NRG1: variants seen among roughly 807,000 people sequenced by gnomAD.
NRG1 encodes the protein neuregulin 1.
A neutral mutation model predicts 63.8 loss-of-function variants in NRG1; 18 were observed. The ratio of observed to expected loss-of-function variants is 0.28; its 90% CI spans 0.19 to 0.42. The LOEUF is 0.42. Ranked by LOEUF, NRG1 falls within the 10% of genes least tolerant of loss-of-function variation. The pLI is 1.00. For synonymous variants in NRG1, 302 were observed against 301.3 expected, an observed-to-expected ratio of 1.00 and a Z score of -0.02; for missense variants, 762 against 814.7, an observed-to-expected ratio of 0.94 and a Z score of 0.79.
At chr8:31,851,332 T>C (rs2129609055) in intron 1 of NRG1, among the ~76,000 whole-genome samples, 1 of 152,322 alleles carries the variant, frequency 6.6e-6, no homozygotes, top group South Asian at 2.1e-4. Flanking sequence ...TCTGTGGTTA[T>C]TGTATCTGTA....
At chr8:32,400,107 A>C (rs1021641204) in intron 1 of NRG1, among the ~76,000 whole-genome samples, 17 of 152,210 alleles carry the variant, frequency 1.1e-4, no homozygotes, top group Admixed American at 5.9e-4. Flanking sequence ...TTAGGCTGCC[A>C]TTGCGTTAAT....
rs1366591434 is a variant in NRG1 at position 31,640,158 on chromosome 8, G to T, written c.37+727G>T. On this transcript the variant is annotated intron_variant, in intron 1 of 10. Coordinates refer to the NRG1 transcript ENST00000519301. The surrounding 1 kb of genome is among the most constrained non-coding windows in gnomAD (Gnocchi z 6.3). ...CCGGCAACGAGGCGGCTCCCGCGGG[G>T]GCCTCGGTGTGCTACTCGTCCCCGC... is the stretch of plus-strand genomic sequence containing the variant. The T allele has an allele frequency of 1.7e-6, 2 of 1,179,714 alleles. No homozygotes were observed. Among genetic ancestry groups the T allele is most frequent in the South Asian group, 3.6e-5 (1 of 27,474 alleles). 73.1% of individuals were successfully genotyped at this position (1,179,714 alleles called of 1,614,324 possible). A position where few individuals can be genotyped will look rare whatever the true frequency, so the allele number is the denominator to read the frequency against.
intron 1 of NRG1, among the ~76,000 whole-genome samples, chr8:31,852,195 C>T (rs1206412817): frequency 2.0e-5 from 3 of 152,332 alleles, no homozygotes; most frequent in Middle Eastern, 3.4e-3. Context: ...CCAACTTCCA[C>T]AATGGTTGAA....
chr8:32,193,658 C>A (rs993095273), intron 1 of NRG1, among the ~76,000 whole-genome samples: 2 of 152,004 alleles, frequency 1.3e-5, no homozygotes, highest in Admixed American at 6.6e-5. Context: ...ATGCCGCCCC[C>A]CTGCCAAAAA....
At chr8:31,818,363 G>A (rs1823656251) in intron 1 of NRG1, among the ~76,000 whole-genome samples, 1 of 152,126 alleles carries the variant, frequency 6.6e-6, no homozygotes, top group African/African-American at 2.4e-5. Context: ...CACATTACAT[G>A]AGGGAAATAG....
At chr8:32,310,838 G>A (rs1198775725) in intron 1 of NRG1, among the ~76,000 whole-genome samples, 4 of 152,052 alleles carry the variant, frequency 2.6e-5, no homozygotes, top group Admixed American at 6.6e-5. Context: ...TTCATGCCCC[G>A]ACCAAGCTTG....
chr8:32,341,267 A>G (rs990495511), intron 1 of NRG1, among the ~76,000 whole-genome samples: 1 of 152,194 alleles, frequency 6.6e-6, no homozygotes, highest in Non-Finnish European at 1.5e-5. Flanking sequence ...TCCACTTTGC[A>G]TTTCTAGAAC....
At chr8:32,532,689 G>C (rs966748072) in intron 1 of NRG1, among the ~76,000 whole-genome samples, 1 of 151,926 alleles carries the variant, frequency 6.6e-6, no homozygotes, top group African/African-American at 2.4e-5. Flanking sequence ...TTCATAGTGA[G>C]CTAATTTGAT....
chr8:32,150,796 G>A (rs749795097), intron 1 of NRG1, among the ~76,000 whole-genome samples: 11 of 152,116 alleles, frequency 7.2e-5, no homozygotes, highest in Non-Finnish European at 1.6e-4. Context: ...AGAAAAATGT[G>A]TGTAAAGAAG....
At chr8:32,151,498 G>T (rs183132328) in intron 1 of NRG1, among the ~76,000 whole-genome samples, 1 of 152,248 alleles carries the variant, frequency 6.6e-6, no homozygotes, top group Admixed American at 6.5e-5. Flanking sequence ...GGTGGGGTTA[G>T]GTGTAGAACA....
chr8:32,426,673 C>T (rs1279844265), intron 1 of NRG1, among the ~76,000 whole-genome samples: 2 of 152,152 alleles, frequency 1.3e-5, no homozygotes, highest in African/African-American at 2.4e-5. Flanking sequence ...ACAATGCCTT[C>T]CTTCTAACCT....
intron 1 of NRG1, among the ~76,000 whole-genome samples, chr8:31,868,215 A>G (rs192776301): frequency 2.2e-4 from 34 of 151,718 alleles, no homozygotes; most frequent in Admixed American, 1.4e-3. Flanking sequence ...GAGAATTTTC[A>G]GAGAAATTCA....
chr8:32,269,570 G>T (rs1692592891), intron 1 of NRG1, among the ~76,000 whole-genome samples: 1 of 152,142 alleles, frequency 6.6e-6, no homozygotes, highest in Admixed American at 6.6e-5. Flanking sequence ...CCTGTGCCAG[G>T]ACTGACTGGG....
chr8:32,555,590 G>A (rs925227968), intron 1 of NRG1, among the ~76,000 whole-genome samples: 3 of 152,126 alleles, frequency 2.0e-5, no homozygotes, highest in African/African-American at 7.2e-5. Flanking sequence ...TCCTGCCTCA[G>A]CCTCCCGAGT....
At chr8:31,666,819 T>C (rs915796231) in intron 1 of NRG1, among the ~76,000 whole-genome samples, 2 of 152,230 alleles carry the variant, frequency 1.3e-5, no homozygotes, top group African/African-American at 2.4e-5. Flanking sequence ...GTGGCATTTC[T>C]GGCAGGTATG....
intron 1 of NRG1, among the ~76,000 whole-genome samples, chr8:32,377,459 C>A (rs1346380144): frequency 1.3e-4 from 20 of 152,194 alleles, no homozygotes; most frequent in Admixed American, 6.5e-5. Context: ...CCTGTGGGAC[C>A]TTTGGGGATA....
chr8:32,525,913 T>C (rs1830791909), intron 1 of NRG1, among the ~76,000 whole-genome samples: 1 of 152,236 alleles, frequency 6.6e-6, no homozygotes, highest in African/African-American at 2.4e-5. Context: ...AAAATTTTAA[T>C]GTCTTTTCTA....
At chr8:32,517,659 AGATATATTTGGGGAAGTAACTAT>A (rs1829961821) in intron 1 of NRG1, among the ~76,000 whole-genome samples, 2 of 152,216 alleles carry the variant, frequency 1.3e-5, no homozygotes, top group South Asian at 4.1e-4. Context: ...TGAAAGCTTG[AGATATATTTGGGGAAGTAACTAT>A]GAAGGGATGT....
At chr8:32,385,972 G>C (rs1279849010) in intron 1 of NRG1, among the ~76,000 whole-genome samples, 1 of 152,194 alleles carries the variant, frequency 6.6e-6, no homozygotes, top group Non-Finnish European at 1.5e-5. Context: ...GTAATGAGAA[G>C]TTTGAATTCT....
Sources: gnomAD v4.1 joint callset for allele counts (sites outside exome capture counted in the v4.1 genomes callset) on GRCh38, gnomAD v4.1.1 for gene constraint, Gnocchi (gnomAD v3.1) non-coding constraint, MANE v1.5 for transcripts, NCBI Gene and HGNC (gene_info 2026-07-23, HGNC 2026-07-21) for gene names.